ZPBP: variants seen among roughly 807,000 people sequenced by gnomAD.
ZPBP encodes zona pellucida binding protein.
In ZPBP, 26 loss-of-function variants were observed where a neutral mutation model predicts 44.8. The observed-to-expected ratio is 0.58, with a 90% CI of 0.43 to 0.81. The LOEUF is 0.81. Among genes scored for constraint, ZPBP ranks in the 30% least tolerant of loss-of-function variants. The pLI is 0.00. For synonymous variants in ZPBP, 174 were observed against 153.2 expected, an observed-to-expected ratio of 1.14 and a Z score of -1.00; for missense variants, 409 against 434.0, an observed-to-expected ratio of 0.94 and a Z score of 0.51.
chr7:49,989,994 C>T (rs763267949), intron 6 of ZPBP, among the ~76,000 whole-genome samples: 4 of 152,160 alleles, frequency 2.6e-5, no homozygotes, highest in Non-Finnish European at 5.9e-5. Context: ...CTCAATTTTA[C>T]AGCTTCACCT....
At chr7:49,981,289 AATATAT>A (rs1491285424) in intron 7 of ZPBP, among the ~76,000 whole-genome samples, 1 of 74,850 alleles carries the variant, frequency 1.3e-5, no homozygotes, top group South Asian at 3.7e-4. Context: ...TATATTATAT[AATATAT>A]ATTATATATA....
chr7:49,851,718 C>A (rs927200027), intron 2 of ZPBP, among the ~76,000 whole-genome samples: 1 of 152,122 alleles, frequency 6.6e-6, no homozygotes, highest in South Asian at 2.1e-4. Flanking sequence ...CTTAGCTGGG[C>A]GTGCTGGCAC....
At chr7:50,049,802 A>G (rs920527629) in intron 4 of ZPBP, among the ~76,000 whole-genome samples, 1 of 151,850 alleles carries the variant, frequency 6.6e-6, no homozygotes, top group African/African-American at 2.4e-5. Flanking sequence ...ACATATATCT[A>G]AAGTCCTAGG....
intron 2 of ZPBP, among the ~76,000 whole-genome samples, chr7:49,883,713 A>C (rs1417781493): frequency 6.6e-6 from 1 of 152,244 alleles, no homozygotes; most frequent in African/African-American, 2.4e-5. Flanking sequence ...AACAGACATC[A>C]GAACAGATCA....
chr7:50,090,386 A>G (rs1802891248), intron 1 of ZPBP, among the ~76,000 whole-genome samples: 1 of 152,072 alleles, frequency 6.6e-6, no homozygotes, highest in Admixed American at 6.6e-5. Flanking sequence ...CACTTAGAAT[A>G]ATAGTCTCCA....
chr7:50,054,821 T>C (rs1365348652), intron 4 of ZPBP, among the ~76,000 whole-genome samples: 1 of 152,132 alleles, frequency 6.6e-6, no homozygotes, highest in Non-Finnish European at 1.5e-5. Context: ...AATATCTACA[T>C]AGCTATATAT....
At chr7:49,973,356 A>G (rs1373012208) in intron 7 of ZPBP, among the ~76,000 whole-genome samples, 1 of 151,958 alleles carries the variant, frequency 6.6e-6, no homozygotes, top group Non-Finnish European at 1.5e-5. Flanking sequence ...CTTAACAAAA[A>G]TTTATAGCTT....
At chr7:50,046,084 G>A (rs1562868401) in intron 4 of ZPBP, among the ~76,000 whole-genome samples, 1 of 152,136 alleles carries the variant, frequency 6.6e-6, no homozygotes, top group Non-Finnish European at 1.5e-5. Context: ...TGGGAAAACT[G>A]GCTAGCCATA....
intron 2 of ZPBP, among the ~76,000 whole-genome samples, chr7:50,085,000 T>G (rs892570726): frequency 6.6e-6 from 1 of 152,078 alleles, no homozygotes; most frequent in Non-Finnish European, 1.5e-5. Context: ...GTCCTCCCTC[T>G]CTTATTAATA....
intron 6 of ZPBP, among the ~76,000 whole-genome samples, chr7:50,002,298 G>A (rs7341403): frequency 0.27 from 40,679 of 151,904 alleles, 6,249 homozygotes; most frequent in Non-Finnish European, 0.36. Flanking sequence ...AACAGTATGG[G>A]AAATACCGCC....
intron 2 of ZPBP, among the ~76,000 whole-genome samples, chr7:50,087,848 C>T (rs939698656): frequency 6.6e-6 from 1 of 151,922 alleles, no homozygotes; most frequent in African/African-American, 2.4e-5. Flanking sequence ...GTTAAGGCGA[C>T]AATACTCCTA....
intron 6 of ZPBP, among the ~76,000 whole-genome samples, chr7:49,994,583 T>C (rs899796609): frequency 1.3e-5 from 2 of 152,180 alleles, no homozygotes; most frequent in Non-Finnish European, 2.9e-5. Flanking sequence ...TGGTGGACCA[T>C]GGTCAAGCAT....
intron 7 of ZPBP, among the ~76,000 whole-genome samples, chr7:49,960,810 T>C (rs1795837260): frequency 6.6e-6 from 1 of 152,126 alleles, no homozygotes. Context: ...ACACACATAC[T>C]GGAATGGCTA....
intron 2 of ZPBP, among the ~76,000 whole-genome samples, chr7:49,898,091 C>A (rs1261555006): frequency 1.3e-5 from 2 of 151,900 alleles, no homozygotes; most frequent in Non-Finnish European, 2.9e-5. Context: ...TCCTGTACAA[C>A]CATTATGTAT....
chr7:50,033,126 G>T (rs187483848), intron 4 of ZPBP, among the ~76,000 whole-genome samples: 3 of 151,380 alleles, frequency 2.0e-5, no homozygotes, highest in Admixed American at 6.6e-5. Context: ...CTTATAGTTT[G>T]CAGGAGTTGG....
intron 4 of ZPBP, among the ~76,000 whole-genome samples, chr7:50,049,271 A>G (rs1800564542): frequency 6.6e-6 from 1 of 151,998 alleles, no homozygotes; most frequent in Non-Finnish European, 1.5e-5. Flanking sequence ...CTTCACAAAC[A>G]CTTTCAAAAT....
At chr7:50,069,339 G>T (rs897449731) in intron 3 of ZPBP, among the ~76,000 whole-genome samples, 7 of 152,006 alleles carry the variant, frequency 4.6e-5, no homozygotes, top group African/African-American at 1.4e-4. Context: ...TATTGGCTTG[G>T]CGGTGCTACA....
chr7:49,890,695 G>A (rs1322598212), intron 2 of ZPBP, among the ~76,000 whole-genome samples: 1 of 148,950 alleles, frequency 6.7e-6, no homozygotes, highest in Non-Finnish European at 1.5e-5. Flanking sequence ...AAATCTAAGG[G>A]ATAGAATGCA....
chr7:50,059,656 A>G (rs1197547435), intron 3 of ZPBP, among the ~76,000 whole-genome samples: 2 of 152,230 alleles, frequency 1.3e-5, no homozygotes, highest in East Asian at 3.8e-4. Context: ...ATATTACATC[A>G]TCAATGAGAT....
Sources: gnomAD v4.1 joint callset for allele counts (sites outside exome capture counted in the v4.1 genomes callset) on GRCh38, gnomAD v4.1.1 for gene constraint, MANE v1.5 for transcripts, NCBI Gene and HGNC (gene_info 2026-07-23, HGNC 2026-07-21) for gene names.